MARCHF3: variants seen among roughly 807,000 people sequenced by gnomAD.
MARCHF3 encodes E3 ubiquitin-protein ligase MARCHF3.
In MARCHF3, 13 loss-of-function variants were observed where a neutral mutation model predicts 24.2. The ratio of observed to expected loss-of-function variants is 0.54; its 90% CI spans 0.35 to 0.85. The LOEUF (loss-of-function observed/expected upper bound fraction) is 0.85, where lower values mean the gene tolerates loss of function less well. Ranked by LOEUF, MARCHF3 falls within the 40% of genes least tolerant of loss-of-function variation. MARCHF3 has a pLI of 0.01. For synonymous variants in MARCHF3, 144 were observed against 137.3 expected (o/e 1.05, Z -0.34); for missense variants, 276 against 325.0 (o/e 0.85, Z 1.16).
intron 3 of MARCHF3, among the ~76,000 whole-genome samples, chr5:126,911,044 C>T (rs556426321): frequency 5.9e-5 from 9 of 152,306 alleles, no homozygotes; most frequent in Non-Finnish European, 1.2e-4. Flanking sequence ...CACTCCCAGG[C>T]TTATTAGGAC....
At chr5:126,875,586 C>T (rs766078864) in intron 4 of MARCHF3, among the ~76,000 whole-genome samples, 5 of 152,366 alleles carry the variant, frequency 3.3e-5, no homozygotes, top group South Asian at 4.1e-4. Context: ...TTGCCAGGGC[C>T]GCTCAGCACA....
chr5:126,945,068 A>T lies in MARCHF3; in HGVS notation c.-56-26841T>A, dbSNP rs367658266. The stretch of plus-strand genomic sequence containing the variant: ...GAGGAGATACACAATGGTCAATAAG[A>T]CAAAGATGATCCCCTCTAACCCCTG... On this transcript the variant is annotated intron_variant, in intron 1 of 4. Transcript: ENST00000308660. Among the ~76,000 whole-genome samples the T allele has an allele frequency of 7.9e-5, 12 of 152,274 alleles. No homozygotes were observed. In the South Asian group the frequency reaches 2.5e-3, roughly 32 times the overall value.
chr5:126,991,437 T>C (rs1026660677), intron 1 of MARCHF3, among the ~76,000 whole-genome samples: 19 of 152,110 alleles, frequency 1.2e-4, no homozygotes, highest in African/African-American at 4.6e-4. Flanking sequence ...TTAGGAGAAA[T>C]ACCTAATGTA....
intron 1 of MARCHF3, among the ~76,000 whole-genome samples, chr5:126,949,443 C>G (rs1750138929): frequency 6.6e-6 from 1 of 152,162 alleles, no homozygotes; most frequent in African/African-American, 2.4e-5. Flanking sequence ...CAGCAAGAGG[C>G]CTCAAAATGT....
chr5:126,964,145 T>C (rs1750731162), intron 1 of MARCHF3, among the ~76,000 whole-genome samples: 1 of 152,176 alleles, frequency 6.6e-6, no homozygotes, highest in African/African-American at 2.4e-5. Flanking sequence ...CTGCATTCTT[T>C]TTCTCTTCCC....
At chr5:126,987,232 C>T (rs1375693369) in intron 1 of MARCHF3, among the ~76,000 whole-genome samples, 1 of 152,176 alleles carries the variant, frequency 6.6e-6, no homozygotes, top group Non-Finnish European at 1.5e-5. Flanking sequence ...TTCAGTCAAA[C>T]AAGATGAATA....
At chr5:126,923,048 TC>T (rs1749174908) in intron 1 of MARCHF3, among the ~76,000 whole-genome samples, 1 of 152,170 alleles carries the variant, frequency 6.6e-6, no homozygotes, top group African/African-American at 2.4e-5. Context: ...GTGTCATTCT[TC>T]CATGAAAATG....
intron 1 of MARCHF3, among the ~76,000 whole-genome samples, chr5:126,931,834 A>G (rs1749488749): frequency 6.6e-6 from 1 of 152,160 alleles, no homozygotes; most frequent in Non-Finnish European, 1.5e-5. Context: ...AACTGTTAAC[A>G]ATTTTCTTTT....
At chr5:126,870,945 G>C (rs139206625) in intron 4 of MARCHF3, among the ~76,000 whole-genome samples, 154 bp from the exon 5 acceptor site, 82 of 152,348 alleles carry the variant, frequency 5.4e-4, no homozygotes, top group Non-Finnish European at 1.0e-3. Context: ...CTGGCACGCA[G>C]TGAGTGTTGA....
chr5:126,930,907 T>A (rs1459118891), intron 1 of MARCHF3, among the ~76,000 whole-genome samples: 1 of 152,226 alleles, frequency 6.6e-6, no homozygotes, highest in Non-Finnish European at 1.5e-5. Context: ...GTGACATGCA[T>A]CTGTCAGTTA....
At chr5:126,989,815 A>G (rs1187190147) in intron 1 of MARCHF3, among the ~76,000 whole-genome samples, 1 of 152,106 alleles carries the variant, frequency 6.6e-6, no homozygotes, top group Non-Finnish European at 1.5e-5. Context: ...CAGCAATATC[A>G]AGCTGCTTTT....
intron 3 of MARCHF3, among the ~76,000 whole-genome samples, chr5:126,912,738 C>A (rs1754581937): frequency 6.6e-6 from 1 of 152,196 alleles, no homozygotes; most frequent in Non-Finnish European, 1.5e-5. Flanking sequence ...AGCTGAGAAA[C>A]CAAAGACAAC....
intron 1 of MARCHF3, among the ~76,000 whole-genome samples, chr5:126,925,601 C>T (rs750670462): frequency 6.6e-6 from 1 of 152,096 alleles, no homozygotes; most frequent in Non-Finnish European, 1.5e-5. Context: ...TTAAAAATCC[C>T]ACAACAATGC....
At chr5:126,927,942 C>T (rs147122569) in intron 1 of MARCHF3, among the ~76,000 whole-genome samples, 1 of 152,132 alleles carries the variant, frequency 6.6e-6, no homozygotes, top group African/African-American at 2.4e-5. Context: ...AAATAATATA[C>T]AGAGGTCTAC....
At chr5:126,990,682 A>G (rs1751726258) in intron 1 of MARCHF3, among the ~76,000 whole-genome samples, 1 of 152,226 alleles carries the variant, frequency 6.6e-6, no homozygotes, top group African/African-American at 2.4e-5. Flanking sequence ...ATCTACAAAG[A>G]ACTTAGACAA....
intron 1 of MARCHF3, among the ~76,000 whole-genome samples, chr5:126,989,337 C>CTAATAA (rs969962430): frequency 4.0e-4 from 56 of 141,406 alleles, no homozygotes; most frequent in African/African-American, 1.4e-3. Context: ...ACTACTACTA[C>CTAATAA]TAATAATAAT....
chr5:126,880,866 G>A (rs756965107), intron 3 of MARCHF3, among the ~76,000 whole-genome samples: 14 of 152,124 alleles, frequency 9.2e-5, no homozygotes, highest in African/African-American at 3.4e-4. Context: ...ATATGCTACC[G>A]ATGTCCACAG....
At chr5:127,001,239 A>G (rs545540547) in intron 1 of MARCHF3, among the ~76,000 whole-genome samples, 1 of 151,638 alleles carries the variant, frequency 6.6e-6, no homozygotes, top group Non-Finnish European at 1.5e-5. Flanking sequence ...CTTCGTCTAA[A>G]AAAAAAAAAA....
intron 3 of MARCHF3, among the ~76,000 whole-genome samples, chr5:126,897,831 G>C (rs1753978042): frequency 6.6e-6 from 1 of 151,974 alleles, no homozygotes; most frequent in Admixed American, 6.6e-5. Context: ...CCAGGATGTT[G>C]AGGAAAAAAA....
Sources: allele counts gnomAD v4.1 joint callset (sites outside exome capture counted in the v4.1 genomes callset), GRCh38; gene constraint gnomAD v4.1.1; transcripts MANE v1.5; gene names NCBI Gene and HGNC (gene_info 2026-07-23, HGNC 2026-07-21).